STAM2: variants seen among roughly 807,000 people sequenced by gnomAD.
STAM2 encodes the protein signal transducing adapter molecule 2.
In STAM2, 51 loss-of-function variants were observed where a neutral mutation model predicts 65.6. The observed-to-expected ratio is 0.78, with a 90% CI of 0.62 to 0.98. STAM2 has a LOEUF of 0.98. Ranked by LOEUF, STAM2 falls within the 50% of genes least tolerant of loss-of-function variation. STAM2 has a pLI of 0.00. For synonymous variants in STAM2, 198 were observed against 208.4 expected, an observed-to-expected ratio of 0.95 and a Z score of 0.43; for missense variants, 584 against 617.8, an observed-to-expected ratio of 0.95 and a Z score of 0.58.
intron 5 of STAM2, among the ~76,000 whole-genome samples, chr2:152,146,028 G>C (rs982319368): frequency 6.6e-6 from 1 of 152,030 alleles, no homozygotes; most frequent in Non-Finnish European, 1.5e-5. Context: ...CCAGCACTTT[G>C]AGAGGTCGAG....
chr2:152,145,994 G>A (rs554928743), intron 5 of STAM2, among the ~76,000 whole-genome samples: 113 of 152,118 alleles, frequency 7.4e-4, no homozygotes, highest in Middle Eastern at 3.4e-3. Flanking sequence ...TTTTCGGCCA[G>A]CGTGGTGGCT....
At chr2:152,132,322 C>G (rs1689079455) in intron 10 of STAM2, among the ~76,000 whole-genome samples, 154 bp from the exon 11 acceptor site, 1 of 152,176 alleles carries the variant, frequency 6.6e-6, no homozygotes, top group Admixed American at 6.5e-5. Context: ...AGCACTACTA[C>G]TACATATTAC....
chr2:152,141,548 GA>G (rs1689247858), intron 7 of STAM2, among the ~76,000 whole-genome samples: 2 of 151,402 alleles, frequency 1.3e-5, no homozygotes. Flanking sequence ...AAATAAATAA[GA>G]AATGTGCACC....
At chr2:152,140,895 G>T (rs888224254) in intron 7 of STAM2, among the ~76,000 whole-genome samples, 1 of 152,114 alleles carries the variant, frequency 6.6e-6, no homozygotes, top group African/African-American at 2.4e-5. Flanking sequence ...AGCACTGTGG[G>T]AGGCTGAGGC....
intron 7 of STAM2, among the ~76,000 whole-genome samples, chr2:152,141,151 A>AAAAG (rs1689239638): frequency 6.6e-6 from 1 of 151,296 alleles, no homozygotes; most frequent in Non-Finnish European, 1.5e-5. Flanking sequence ...AAAAAAAAAA[A>AAAAG]AAAAGAAAAG....
chr2:152,148,104 C>T lies in STAM2; in HGVS notation c.220G>A (p.Ala74Thr), dbSNP rs1689368812. 1 of 1,608,472 alleles carries T rather than the reference C, an allele frequency of 6.2e-7. No individual in the cohort carries two copies. The highest frequency in any genetic ancestry group is 1.3e-5 in the African/African-American group (1 of 74,728). The change falls in exon 4 of 14, where the codon GCA (alanine) becomes ACA (threonine). Residue 74 changes from alanine (A) to threonine (T), a missense_variant. Physicochemically the swap from Ala to Thr is moderately conservative, Grantham distance 58. Transcript: ENST00000263904. ...AAATGAAATATCTTTCCACAGTTTG[C>T]CACACAAGCCCCAAGAAGCTATTAA... ...QALTLLGACVANCGKIFHLEV... is the reference protein window; with the variant it reads ...QALTLLGACVTNCGKIFHLEV...
intron 2 of STAM2, among the ~76,000 whole-genome samples, chr2:152,148,877 T>A (rs2105549814): frequency 6.6e-6 from 1 of 152,012 alleles, no homozygotes; most frequent in Middle Eastern, 3.4e-3. Flanking sequence ...GTATACCAGA[T>A]CTTTCTATTT....
At chr2:152,175,469 G>T in intron 1 of STAM2, 134 bp downstream of exon 1, 2 of 1,164,898 alleles carry the variant, frequency 1.7e-6, no homozygotes, top group Admixed American at 2.0e-5. Context: ...CGTCGAAGGA[G>T]CGGGCGGCAC....
intron 1 of STAM2, among the ~76,000 whole-genome samples, chr2:152,164,633 C>T (rs1006049916): frequency 1.3e-5 from 2 of 152,166 alleles, no homozygotes; most frequent in African/African-American, 4.8e-5. Context: ...TGAGCCACTG[C>T]GCCCAGCTGA....
chr2:152,139,434 G>A (rs1258376565), intron 7 of STAM2, among the ~76,000 whole-genome samples: 1 of 152,174 alleles, frequency 6.6e-6, no homozygotes, highest in African/African-American at 2.4e-5. Flanking sequence ...GCACAAAGCT[G>A]TAGTCCCAGC....
At chr2:152,131,134 A>C (rs1689054324) in intron 11 of STAM2, among the ~76,000 whole-genome samples, 1 of 152,286 alleles carries the variant, frequency 6.6e-6, no homozygotes, top group East Asian at 1.9e-4. Context: ...TTCATTTAAA[A>C]TTTTTATAAG....
intron 1 of STAM2, among the ~76,000 whole-genome samples, chr2:152,172,785 C>T (rs1375977705): frequency 1.3e-5 from 2 of 151,014 alleles, no homozygotes; most frequent in East Asian, 1.9e-4. Context: ...GCAGGAAAAT[C>T]ACTTGAACCC....
chr2:152,156,931 A>AG (rs1373981094), intron 1 of STAM2, among the ~76,000 whole-genome samples: 2 of 152,164 alleles, frequency 1.3e-5, no homozygotes, highest in African/African-American at 4.8e-5. Flanking sequence ...CCTACCAAAA[A>AG]CAATGATAAA....
At chr2:152,167,666 A>T (rs1689811325) in intron 1 of STAM2, among the ~76,000 whole-genome samples, 1 of 152,140 alleles carries the variant, frequency 6.6e-6, no homozygotes, top group South Asian at 2.1e-4. Context: ...AGGCCGAGGC[A>T]GGTGAATCAC....
chr2:152,167,679 G>A (rs1689811716), intron 1 of STAM2, among the ~76,000 whole-genome samples: 1 of 152,076 alleles, frequency 6.6e-6, no homozygotes, highest in Admixed American at 6.6e-5. Context: ...TGAATCACTT[G>A]AGGTCAGGAG....
At chr2:152,153,287 T>C (rs1689481278) in intron 1 of STAM2, among the ~76,000 whole-genome samples, 1 of 152,072 alleles carries the variant, frequency 6.6e-6, no homozygotes, top group African/African-American at 2.4e-5. Context: ...TAGAATAATC[T>C]AGCAAAACAT....
intron 1 of STAM2, among the ~76,000 whole-genome samples, chr2:152,173,406 A>ATT (rs1389484826): frequency 3.9e-4 from 56 of 145,232 alleles, no homozygotes; most frequent in Middle Eastern, 7.1e-3. Context: ...ATATATATAT[A>ATT]TTTTTTTTCG....
intron 12 of STAM2, among the ~76,000 whole-genome samples, chr2:152,125,829 C>T (rs1344444623): frequency 6.6e-6 from 1 of 152,140 alleles, no homozygotes; most frequent in Non-Finnish European, 1.5e-5. Context: ...AGCAGGAAAG[C>T]GTTAGTACCT....
intron 6 of STAM2, 82 bp from the exon 7 acceptor site, chr2:152,144,095 A>T: frequency 7.7e-7 from 1 of 1,296,128 alleles, no homozygotes; most frequent in Non-Finnish European, 1.1e-6. Context: ...AAATTTAATA[A>T]GAATAAATCA....
Sources: gnomAD v4.1 joint callset for allele counts (sites outside exome capture counted in the v4.1 genomes callset) on GRCh38, gnomAD v4.1.1 for gene constraint, MANE v1.5 for transcripts, NCBI Gene and HGNC (gene_info 2026-07-23, HGNC 2026-07-21) for gene names.